Variants in BMP6 observed in about 807,000 individuals in gnomAD.
BMP6 encodes bone morphogenetic protein 6.
BMP6 carries 17 observed loss-of-function variants against 54.1 expected under a neutral mutation model. The ratio of observed to expected loss-of-function variants is 0.31; its 90% confidence interval spans 0.22 to 0.47. The LOEUF is 0.47. Ranked by LOEUF, BMP6 falls within the 20% of genes least tolerant of loss-of-function variation. BMP6 has a pLI of 1.00. For missense variants in BMP6, 720 were observed against 690.4 expected, an observed-to-expected ratio of 1.04 and a Z score of -0.48; for synonymous variants, 328 against 291.2, an observed-to-expected ratio of 1.13 and a Z score of -1.28.
At chr6:7,869,805 C>T (rs749470714) in intron 4 of BMP6, among the ~76,000 whole-genome samples, 1 of 152,188 alleles carries the variant, frequency 6.6e-6, no homozygotes, top group Non-Finnish European at 1.5e-5. Context: ...CCCACCAGAA[C>T]TGAGCAGACT....
intron 1 of BMP6, among the ~76,000 whole-genome samples, chr6:7,740,519 T>C (rs1338168306): frequency 1.3e-5 from 2 of 152,108 alleles, no homozygotes; most frequent in African/African-American, 2.4e-5. Flanking sequence ...TTGTAGAAAG[T>C]TGTCAGTCAG....
intron 1 of BMP6, among the ~76,000 whole-genome samples, chr6:7,836,200 ATT>A (rs34027007): frequency 6.7e-6 from 1 of 148,854 alleles, no homozygotes; most frequent in African/African-American, 2.5e-5. Flanking sequence ...TTTTAACATG[ATT>A]TTTTTTTTAA....
chr6:7,878,782 C>T (rs574514531), intron 4 of BMP6, among the ~76,000 whole-genome samples: 1 of 152,254 alleles, frequency 6.6e-6, no homozygotes, highest in Non-Finnish European at 1.5e-5. Context: ...TCGGCCCACG[C>T]CTCCATAGGC....
intron 1 of BMP6, among the ~76,000 whole-genome samples, chr6:7,766,021 A>G (rs975329644): frequency 1.3e-5 from 2 of 152,148 alleles, no homozygotes; most frequent in Non-Finnish European, 2.9e-5. Flanking sequence ...TACCTTAAGC[A>G]TTCCTGGAAG....
At chr6:7,828,692 G>A (rs747443414) in intron 1 of BMP6, among the ~76,000 whole-genome samples, 7 of 152,212 alleles carry the variant, frequency 4.6e-5, no homozygotes, top group Non-Finnish European at 7.4e-5. Context: ...ACTGCATGAC[G>A]CAACAAAACA....
At chr6:7,795,261 G>C (rs270373) in intron 1 of BMP6, among the ~76,000 whole-genome samples, 66 of 152,308 alleles carry the variant, frequency 4.3e-4, no homozygotes, top group Non-Finnish European at 8.7e-4. Context: ...GCATGTGCAA[G>C]GGCAGCCAGA....
chr6:7,820,517 G>A (rs1758589959), intron 1 of BMP6, among the ~76,000 whole-genome samples: 1 of 152,200 alleles, frequency 6.6e-6, no homozygotes, highest in Non-Finnish European at 1.5e-5. Context: ...TCTGCCTGGG[G>A]ACCTTTCTAG....
chr6:7,870,367 G>A lies in BMP6; in HGVS notation c.1204+7869G>A, dbSNP rs146534311. On this transcript the variant is annotated intron_variant, in intron 4 of 6. Coordinates refer to ENST00000283147, the MANE Select transcript of BMP6 (RefSeq NM_001718.6). ...GTTTCTCTACCACTGATTGCATCGT[G>A]CAGAAGGCCTAAATGAGATGCAAGC... Among the ~76,000 whole-genome samples, 359 of 152,350 alleles carry A rather than the reference G, an allele frequency of 2.4e-3. 2 individuals are homozygous for A. Among genetic ancestry groups the A allele is most frequent in the African/African-American group, 8.2e-3 (342 of 41,572 alleles).
intron 4 of BMP6, among the ~76,000 whole-genome samples, chr6:7,871,084 TG>T (rs1321719946): frequency 6.6e-6 from 1 of 152,182 alleles, no homozygotes; most frequent in Non-Finnish European, 1.5e-5. Context: ...TTTGTGTGTG[TG>T]TGTGTGTATT....
At chr6:7,759,613 A>G (rs372721096) in intron 1 of BMP6, among the ~76,000 whole-genome samples, 5 of 152,176 alleles carry the variant, frequency 3.3e-5, no homozygotes, top group African/African-American at 1.2e-4. Context: ...ATGAGACTAA[A>G]CAAATCAGAT....
At chr6:7,746,796 CT>C (rs1757353517) in intron 1 of BMP6, among the ~76,000 whole-genome samples, 1 of 152,208 alleles carries the variant, frequency 6.6e-6, no homozygotes, top group Non-Finnish European at 1.5e-5. Flanking sequence ...GTATTCGCGT[CT>C]TTGAAGCTAG....
At position 7,726,170 on chromosome 6, in the gene BMP6, C is replaced by T. The variant is rs1761717690; in HGVS notation, c.-786C>T. Among the ~76,000 whole-genome samples, 2 of 152,196 alleles carry T rather than the reference C, an allele frequency of 1.3e-5. No individual in the cohort carries two copies. The highest frequency in any genetic ancestry group is 4.1e-4 in the South Asian group (2 of 4,826). The stretch of plus-strand genomic sequence containing the variant: ...GGAGACCGAATTCCGGCGCCGCCGC[C>T]GCGGCCGCTGCTCGGTGCACTAGCC... On this transcript the variant is annotated 5_prime_UTR_variant, in exon 1 of 7. Coordinates refer to ENST00000283147, the MANE Select transcript of BMP6 (RefSeq NM_001718.6).
At chr6:7,737,371 A>G (rs574184514) in intron 1 of BMP6, among the ~76,000 whole-genome samples, 1 of 152,300 alleles carries the variant, frequency 6.6e-6, no homozygotes, top group African/African-American at 2.4e-5. Flanking sequence ...GGGAAGAGTA[A>G]GAAAGCCATA....
intron 2 of BMP6, among the ~76,000 whole-genome samples, chr6:7,856,562 C>T (rs1202520066): frequency 2.1e-5 from 3 of 143,712 alleles, no homozygotes; most frequent in African/African-American, 7.8e-5. Context: ...AATCTGCTTA[C>T]TTTGAATATA....
intron 4 of BMP6, among the ~76,000 whole-genome samples, chr6:7,863,735 C>T (rs1759373026): frequency 6.6e-6 from 1 of 152,194 alleles, no homozygotes; most frequent in African/African-American, 2.4e-5. Flanking sequence ...AGTGTTCTCC[C>T]TGGCAGGGTG....
intron 1 of BMP6, among the ~76,000 whole-genome samples, chr6:7,805,943 C>T (rs549942880): frequency 6.6e-6 from 1 of 152,352 alleles, no homozygotes; most frequent in Non-Finnish European, 1.5e-5. Context: ...TGACACATGA[C>T]TGCAGCCACA....
At chr6:7,774,290 C>A (rs936140736) in intron 1 of BMP6, among the ~76,000 whole-genome samples, 1 of 152,180 alleles carries the variant, frequency 6.6e-6, no homozygotes, top group Non-Finnish European at 1.5e-5. Context: ...TGGCTCACGC[C>A]GGTAATCCCA....
At chr6:7,759,703 T>C (rs1757581881) in intron 1 of BMP6, among the ~76,000 whole-genome samples, 1 of 127,670 alleles carries the variant, frequency 7.8e-6, no homozygotes, top group African/African-American at 3.2e-5. Flanking sequence ...CTTCTTTTTT[T>C]TTTTTTTTTT....
In BMP6 at chr6:7,727,279, G is replaced by T. The variant is rs775914813; in HGVS notation, c.324G>T (p.Arg108=). The T allele has an allele frequency of 5.6e-6, 9 of 1,605,966 alleles. No homozygotes were observed. The highest frequency in any genetic ancestry group is 6.8e-6 in the Non-Finnish European group (8 of 1,177,012). ...GLQQPQPPAL[R]QQEEQQQQQQ... is the part of the protein sequence containing the mutation. ...AACAGCCGCAGCCCCCGGCGCTCCGGCAGCAGGAGGAGCAGCAGCAGCAGC... is the reference window on the plus strand; with the variant it reads ...AACAGCCGCAGCCCCCGGCGCTCCGTCAGCAGGAGGAGCAGCAGCAGCAGC... The change falls in exon 1 of 7, where the codon CGG becomes CGT. Residue 108 remains arginine (R), a synonymous_variant. Coordinates refer to ENST00000283147, the MANE Select transcript of BMP6 (RefSeq NM_001718.6).
Sources: gnomAD v4.1 joint callset for allele counts (sites outside exome capture counted in the v4.1 genomes callset) on GRCh38, gnomAD v4.1.1 for gene constraint, MANE v1.5 for transcripts, NCBI Gene and HGNC (gene_info 2026-07-23, HGNC 2026-07-21) for gene names.